Variants in PTPRT observed in about 807,000 individuals in gnomAD.
PTPRT encodes the protein protein tyrosine phosphatase receptor type T.
In PTPRT, 56 loss-of-function variants were observed where a neutral mutation model predicts 176.8. The ratio of observed to expected loss-of-function variants is 0.32; its 90% confidence interval spans 0.26 to 0.40. The LOEUF (loss-of-function observed/expected upper bound fraction) is 0.40. Ranked by LOEUF, PTPRT falls within the 10% of genes least tolerant of loss-of-function variation. PTPRT has a pLI of 1.00. For missense variants in PTPRT, 1,540 were observed against 1,908.2 expected, an observed-to-expected ratio of 0.81 and a Z score of 3.60; for synonymous variants, 783 against 739.0, an observed-to-expected ratio of 1.06 and a Z score of -0.96.
intron 1 of PTPRT, among the ~76,000 whole-genome samples, chr20:43,115,767 G>C (rs16987781): frequency 1.3e-5 from 2 of 152,032 alleles, no homozygotes; most frequent in Non-Finnish European, 2.9e-5. Flanking sequence ...CAGACACCCC[G>C]TCCAGGGCTC....
chr20:42,722,970 G>A (rs368395540), intron 6 of PTPRT, among the ~76,000 whole-genome samples: 1 of 152,176 alleles, frequency 6.6e-6, no homozygotes, highest in African/African-American at 2.4e-5. Flanking sequence ...GCCAGACTCA[G>A]ATGACTTGAG....
chr20:42,839,663 G>A (rs571512857), intron 2 of PTPRT, among the ~76,000 whole-genome samples: 1 of 152,244 alleles, frequency 6.6e-6, no homozygotes, highest in Non-Finnish European at 1.5e-5. Flanking sequence ...GAAAAACATG[G>A]GTGGAGAAAA....
chr20:42,825,537 G>A (rs2077977446), intron 2 of PTPRT, among the ~76,000 whole-genome samples: 3 of 151,198 alleles, frequency 2.0e-5, no homozygotes, highest in Admixed American at 1.3e-4. Flanking sequence ...TTTAGCAAAC[G>A]TATGAGCATA....
At chr20:42,462,050 G>T (rs2071029736) in intron 8 of PTPRT, among the ~76,000 whole-genome samples, 1 of 151,866 alleles carries the variant, frequency 6.6e-6, no homozygotes, top group South Asian at 2.1e-4. Context: ...TAGCAAAACT[G>T]GCCTTTATTT....
In PTPRT at chr20:42,235,901, G is replaced by A. The variant is rs368677257; in HGVS notation, c.2342+328C>T. ...AAGACTGTGATTCTGTCTCATGTGTGCAAGTCCTACAGCAGGATTTGGTCC... is the reference window on the plus strand; with the variant it reads ...AAGACTGTGATTCTGTCTCATGTGTACAAGTCCTACAGCAGGATTTGGTCC... On this transcript the variant is annotated intron_variant, in intron 15 of 30. Transcript: ENST00000373187. Among the ~76,000 whole-genome samples the A allele has an allele frequency of 3.3e-5, 5 of 152,308 alleles. No individual in the cohort carries two copies. In the East Asian group the frequency reaches 5.8e-4, roughly 18 times the overall value.
In PTPRT at chr20:42,771,502, C is replaced by G. The variant is rs1208129305; in HGVS notation, c.617G>C (p.Gly206Ala). 1.2e-6 allele frequency: 2 copies of G among 1,614,114 alleles called. No homozygotes were observed. The highest frequency in any genetic ancestry group is 4.5e-5 in the East Asian group (2 of 44,870). ...AATGCACTGAAATGTGGCATTCTGC[C>G]CCACATTCACCTCCACGTTTTGGAG... is the stretch of plus-strand genomic sequence containing the variant. The part of the protein sequence containing the change: ...LRLQNVEVNV[G>A]QNATFQCIAG... The change falls in exon 5 of 31, where the codon GGG becomes GCG. Residue 206 changes from glycine to alanine, a missense_variant. Gly to Ala is a moderately conservative substitution (Grantham distance 60, BLOSUM62 0). This residue lies in a region of PTPRT where 273 missense variants were observed against 432.1 expected (regional missense o/e 0.63). Transcript: ENST00000373187.
chr20:42,922,607 G>A (rs1216938026), intron 1 of PTPRT, among the ~76,000 whole-genome samples: 14 of 152,040 alleles, frequency 9.2e-5, no homozygotes, highest in Non-Finnish European at 1.9e-4. Flanking sequence ...CCTTAGTCTT[G>A]CCCACACCAC....
chr20:42,933,891 T>C (rs749431093), intron 1 of PTPRT, among the ~76,000 whole-genome samples: 2 of 152,200 alleles, frequency 1.3e-5, no homozygotes, highest in Non-Finnish European at 2.9e-5. Context: ...TCAACCATAA[T>C]ACAAGCCCAG....
intron 1 of PTPRT, among the ~76,000 whole-genome samples, chr20:43,111,828 G>A (rs1049227189): frequency 3.3e-5 from 5 of 152,128 alleles, no homozygotes; most frequent in African/African-American, 1.2e-4. Flanking sequence ...TCCTGGAGTG[G>A]GCAAGTCAGC....
At chr20:42,351,472 G>C (rs563139905) in intron 10 of PTPRT, among the ~76,000 whole-genome samples, 1 of 152,142 alleles carries the variant, frequency 6.6e-6, no homozygotes, top group South Asian at 2.1e-4. Context: ...ATAAAGATAA[G>C]AGAAAACATT....
At chr20:42,474,414 G>T (rs572908347) in intron 7 of PTPRT, among the ~76,000 whole-genome samples, 1 of 152,310 alleles carries the variant, frequency 6.6e-6, no homozygotes, top group South Asian at 2.1e-4. Flanking sequence ...TGGCAAGCCC[G>T]CACAGAGCTG....
At chr20:43,079,196 C>G in intron 1 of PTPRT, among the ~76,000 whole-genome samples, 1 of 114,646 alleles carries the variant, frequency 8.7e-6, no homozygotes, top group East Asian at 3.2e-4. Flanking sequence ...CCAGCCCCCT[C>G]TCTCCCTCTC....
At chr20:43,069,932 C>T (rs996832018) in intron 1 of PTPRT, among the ~76,000 whole-genome samples, 3 of 152,146 alleles carry the variant, frequency 2.0e-5, no homozygotes, top group African/African-American at 4.8e-5. Flanking sequence ...ACCAAGCCCA[C>T]GGGCTCCTAT....
At chr20:42,960,392 G>A (rs2146038440) in intron 1 of PTPRT, among the ~76,000 whole-genome samples, 1 of 152,170 alleles carries the variant, frequency 6.6e-6, no homozygotes, top group Non-Finnish European at 1.5e-5. Context: ...GACCTAACAA[G>A]CTCCCTCTAG....
chr20:42,176,059 T>A (rs1296700238), intron 16 of PTPRT, among the ~76,000 whole-genome samples: 3 of 152,136 alleles, frequency 2.0e-5, no homozygotes, highest in Admixed American at 1.3e-4. Flanking sequence ...TGAATAATAG[T>A]GAGATTAGTA....
chr20:43,164,545 A>G (rs1440191014), intron 1 of PTPRT, among the ~76,000 whole-genome samples: 1 of 152,228 alleles, frequency 6.6e-6, no homozygotes, highest in African/African-American at 2.4e-5. Context: ...ACTAGAGCCA[A>G]GGTCTTGAGG....
chr20:42,689,352 C>T (rs114855556), intron 6 of PTPRT, among the ~76,000 whole-genome samples: 4,459 of 152,218 alleles, frequency 0.029, 229 homozygotes, highest in African/African-American at 0.1. Context: ...TGCCACTGGG[C>T]GGCCCAACTC....
chr20:42,867,273 A>G (rs2078762314), intron 2 of PTPRT, among the ~76,000 whole-genome samples: 1 of 152,150 alleles, frequency 6.6e-6, no homozygotes, highest in African/African-American at 2.4e-5. Flanking sequence ...CAGACAGGTT[A>G]CCAAACCAGC....
chr20:42,658,611 G>A (rs1368544043), intron 7 of PTPRT, among the ~76,000 whole-genome samples: 1 of 152,186 alleles, frequency 6.6e-6, no homozygotes, highest in Non-Finnish European at 1.5e-5. Context: ...GTGCAGGTCT[G>A]TGAATGACTG....
Sources: allele counts gnomAD v4.1 joint callset (sites outside exome capture counted in the v4.1 genomes callset), GRCh38; gene constraint gnomAD v4.1.1; regional missense constraint gnomAD v4.1.1; transcripts MANE v1.5; gene names NCBI Gene and HGNC (gene_info 2026-07-23, HGNC 2026-07-21).